ARFIP1: variants seen among roughly 807,000 people sequenced by gnomAD.
The protein encoded by ARFIP1 is ARF interacting protein 1.
Under a neutral mutation model 42.5 loss-of-function variants are expected in ARFIP1, and 24 were observed. The observed-to-expected ratio is 0.57, with a 90% CI of 0.41 to 0.80. The LOEUF (loss-of-function observed/expected upper bound fraction) is 0.80. Among genes scored for constraint, ARFIP1 ranks in the 30% least tolerant of loss-of-function variants. The pLI, the probability that ARFIP1 is intolerant of heterozygous loss-of-function variation, is 0.00. For synonymous variants in ARFIP1, 141 were observed against 153.7 expected (o/e 0.92, Z 0.61); for missense variants, 354 against 434.0 (o/e 0.82, Z 1.64).
chr4:152,831,262 A>ATATC (rs1731221382), intron 2 of ARFIP1, among the ~76,000 whole-genome samples: 1 of 152,196 alleles, frequency 6.6e-6, no homozygotes, highest in African/African-American at 2.4e-5. Flanking sequence ...TATTTACTGA[A>ATATC]TATCTGCTCT....
intron 1 of ARFIP1, among the ~76,000 whole-genome samples, chr4:152,787,921 A>C (rs7356469): frequency 0.24 from 36,271 of 152,210 alleles, 5,664 homozygotes; most frequent in African/African-American, 0.45. Flanking sequence ...TATTTCTTTC[A>C]AGTGTATGGA....
intron 8 of ARFIP1, among the ~76,000 whole-genome samples, chr4:152,894,357 TA>T (rs748673723): frequency 6.6e-6 from 1 of 152,118 alleles, no homozygotes; most frequent in Non-Finnish European, 1.5e-5. Context: ...CCTCAGAATT[TA>T]AAAAATAGAT....
chr4:152,868,683 A>G (rs1734613137), intron 3 of ARFIP1, among the ~76,000 whole-genome samples: 1 of 152,198 alleles, frequency 6.6e-6, no homozygotes, highest in South Asian at 2.1e-4. Context: ...TAGAGCTCCT[A>G]TTCCTGGGGT....
intron 2 of ARFIP1, among the ~76,000 whole-genome samples, chr4:152,855,661 T>C (rs1733371579): frequency 6.6e-6 from 1 of 152,204 alleles, no homozygotes; most frequent in Non-Finnish European, 1.5e-5. Context: ...TCTGCTTAGA[T>C]CTCAGGGAGC....
chr4:152,797,764 A>G (rs1386723686), intron 1 of ARFIP1, among the ~76,000 whole-genome samples: 1 of 152,158 alleles, frequency 6.6e-6, no homozygotes, highest in Non-Finnish European at 1.5e-5. Context: ...ATAGGAGAAC[A>G]TTTTTGTATG....
chr4:152,901,541 A>G (rs994051052), intron 8 of ARFIP1, among the ~76,000 whole-genome samples: 3 of 152,226 alleles, frequency 2.0e-5, no homozygotes, highest in Non-Finnish European at 2.9e-5. Flanking sequence ...AGTTCTTCAT[A>G]AGTGAGTTTG....
intron 1 of ARFIP1, among the ~76,000 whole-genome samples, chr4:152,823,590 C>T (rs1024214604): frequency 1.3e-5 from 2 of 151,842 alleles, no homozygotes; most frequent in African/African-American, 4.8e-5. Context: ...ACCAGCCCAG[C>T]CAACATGGTG....
Position 152,870,748 on chromosome 4 carries a change from T to C in ARFIP1, c.203-5T>C. On this transcript the variant is annotated splice_region_variant and splice_polypyrimidine_tract_variant and intron_variant, in intron 3 of 8. Transcript: ENST00000353617. Reference sequence around the variant, plus strand: ...TTTTCACAGTTAAAATGTCTACCTTTTCAGGTTCCCCAGCACCGCCACTGC... The same window carrying C: ...TTTTCACAGTTAAAATGTCTACCTTCTCAGGTTCCCCAGCACCGCCACTGC... The C allele has an allele frequency of 6.2e-7, 1 of 1,611,636 alleles. No individual in the cohort carries two copies. The highest frequency in any genetic ancestry group is 1.1e-5 in the South Asian group (1 of 91,010).
chr4:152,843,460 T>C (rs1051989441), intron 2 of ARFIP1, among the ~76,000 whole-genome samples: 106 of 145,426 alleles, frequency 7.3e-4, no homozygotes, highest in African/African-American at 2.6e-3. Flanking sequence ...GGACTGGTGG[T>C]GGGCACTGCC....
intron 1 of ARFIP1, among the ~76,000 whole-genome samples, chr4:152,786,556 C>T (rs1730820836): frequency 6.6e-6 from 1 of 152,184 alleles, no homozygotes; most frequent in Admixed American, 6.5e-5. Flanking sequence ...CTTCATCTTG[C>T]CTGAAACTTT....
intron 2 of ARFIP1, among the ~76,000 whole-genome samples, chr4:152,837,570 T>C (rs2149853233): frequency 1.3e-5 from 2 of 152,366 alleles, no homozygotes; most frequent in South Asian, 4.1e-4. Context: ...GCCATTTGTA[T>C]ATCTTCTTTT....
At chr4:152,866,756 C>T (rs1251005496) in intron 3 of ARFIP1, among the ~76,000 whole-genome samples, 3 of 150,716 alleles carry the variant, frequency 2.0e-5, no homozygotes, top group East Asian at 2.0e-4. Context: ...GGCTGCCGGG[C>T]GGAGGGTCTC....
intron 1 of ARFIP1, among the ~76,000 whole-genome samples, chr4:152,791,734 C>T: frequency 6.6e-6 from 1 of 152,136 alleles, no homozygotes; most frequent in East Asian, 1.9e-4. Flanking sequence ...GTATGACCAC[C>T]AGCTGCTTCA....
chr4:152,799,410 G>A (rs1368372130), intron 1 of ARFIP1, among the ~76,000 whole-genome samples: 1 of 152,176 alleles, frequency 6.6e-6, no homozygotes, highest in Admixed American at 6.5e-5. Context: ...GTGCCAATCT[G>A]CCATCTGTTT....
At chr4:152,890,457 GTCTC>G (rs1369040920) in intron 8 of ARFIP1, among the ~76,000 whole-genome samples, 17 of 152,116 alleles carry the variant, frequency 1.1e-4, no homozygotes, top group African/African-American at 3.9e-4. Flanking sequence ...CATTTAGAAA[GTCTC>G]TTTCTTTCTT....
intron 2 of ARFIP1, among the ~76,000 whole-genome samples, chr4:152,832,177 G>A (rs1449604904): frequency 1.3e-5 from 2 of 152,108 alleles, no homozygotes; most frequent in African/African-American, 4.8e-5. Context: ...TGAATGTTTG[G>A]CAAATGGTTG....
intron 1 of ARFIP1, among the ~76,000 whole-genome samples, chr4:152,820,306 G>T (rs1327811620): frequency 6.6e-6 from 1 of 152,084 alleles, no homozygotes; most frequent in Non-Finnish European, 1.5e-5. Flanking sequence ...GTTCAACCTG[G>T]TGAATAAAAT....
intron 3 of ARFIP1, 65 bp from the exon 4 acceptor site, chr4:152,870,688 A>T: frequency 9.2e-7 from 1 of 1,087,600 alleles, no homozygotes; most frequent in East Asian, 2.4e-5. Flanking sequence ...GTAACCCTAT[A>T]TTCAAAATGT....
chr4:152,787,013 C>A (rs1030123469), intron 1 of ARFIP1, among the ~76,000 whole-genome samples: 1 of 152,170 alleles, frequency 6.6e-6, no homozygotes, highest in Non-Finnish European at 1.5e-5. Context: ...CCGCAGTTTG[C>A]AATTTACATT....
Sources: gnomAD v4.1 joint callset for allele counts (sites outside exome capture counted in the v4.1 genomes callset) on GRCh38, gnomAD v4.1.1 for gene constraint, MANE v1.5 for transcripts, NCBI Gene and HGNC (gene_info 2026-07-23, HGNC 2026-07-21) for gene names.